Variants in PDE8A observed in about 807,000 individuals in gnomAD.
The protein encoded by PDE8A is high affinity cAMP-specific and IBMX-insensitive 3',5'-cyclic phosphodiesterase 8A.
In PDE8A, 59 loss-of-function variants were observed where a neutral mutation model predicts 105.0. The observed-to-expected ratio is 0.56, with a 90% CI of 0.46 to 0.70. The LOEUF is 0.70. Ranked by LOEUF, PDE8A falls within the 30% of genes least tolerant of loss-of-function variation. The pLI is 0.00. For synonymous variants in PDE8A, 355 were observed against 371.9 expected (o/e 0.95, Z 0.52); for missense variants, 1,014 against 1,045.9 (o/e 0.97, Z 0.42).
At chr15:85,026,764 C>CAAAACAA (rs371422279) in intron 1 of PDE8A, among the ~76,000 whole-genome samples, 3 of 151,556 alleles carry the variant, frequency 2.0e-5, no homozygotes, top group Non-Finnish European at 4.4e-5. Context: ...GGCCCTGTCT[C>CAAAACAA]AAAACAAAAA....
intron 1 of PDE8A, among the ~76,000 whole-genome samples, chr15:85,033,887 A>G (rs2080659208): frequency 6.6e-6 from 1 of 152,208 alleles, no homozygotes; most frequent in Non-Finnish European, 1.5e-5. Flanking sequence ...ACAAAAACAC[A>G]AAAATTCCCT....
intron 1 of PDE8A, among the ~76,000 whole-genome samples, chr15:84,997,037 G>A (rs77811661): frequency 0.011 from 1,698 of 151,892 alleles, 17 homozygotes; most frequent in Non-Finnish European, 0.02. Flanking sequence ...TTATTTCTTC[G>A]ATAATCTCAG....
At chr15:85,060,048 T>A (rs2081119351) in intron 1 of PDE8A, among the ~76,000 whole-genome samples, 1 of 152,214 alleles carries the variant, frequency 6.6e-6, no homozygotes, top group South Asian at 2.1e-4. Flanking sequence ...TGGACTTAAC[T>A]TCTGTCATTT....
rs2081565035 is a variant in PDE8A at position 85,087,034 on chromosome 15, G to GT, written c.636-2298dup. Reference sequence around the variant, plus strand: ...AGGTGTGAGCCACCATGCCCAGCATGTTTTTTGCTTTTTTTTTTTTTTTTA... The same window carrying GT: ...AGGTGTGAGCCACCATGCCCAGCATGTTTTTTTGCTTTTTTTTTTTTTTTTA... On this transcript the variant is annotated intron_variant, in intron 6 of 21. Coordinates refer to ENST00000394553, the MANE Select transcript of PDE8A (RefSeq NM_002605.3). Among the ~76,000 whole-genome samples the GT allele has an allele frequency of 2.6e-5, 3 of 116,080 alleles. No homozygotes were observed. The South Asian group carries it at 8.4e-4, about 32-fold the overall frequency. The allele number at this position is 116,080 out of a possible 152,430, so 76.2% of individuals were successfully genotyped here.
At chr15:85,123,337 TAC>T (rs58421452) in intron 19 of PDE8A, 144 bp downstream of exon 19, 15,645 of 328,962 alleles carry the variant, frequency 0.048, 437 homozygotes, top group African/African-American at 0.088. Flanking sequence ...ACTAATGGGA[TAC>T]ACACACACAC....
chr15:85,123,936 TC>T (rs542429050), intron 19 of PDE8A, among the ~76,000 whole-genome samples: 1 of 152,106 alleles, frequency 6.6e-6, no homozygotes, highest in African/African-American at 2.4e-5. Context: ...CTCACTAATA[TC>T]CCCCTCCCTT....
chr15:85,125,612 A>G (rs960139433), intron 19 of PDE8A, among the ~76,000 whole-genome samples: 2 of 152,148 alleles, frequency 1.3e-5, no homozygotes, highest in Admixed American at 6.5e-5. Flanking sequence ...AATAAATAAT[A>G]CTTTTCATGC....
At chr15:85,073,954 G>A (rs573824240) in intron 3 of PDE8A, among the ~76,000 whole-genome samples, 1 of 152,198 alleles carries the variant, frequency 6.6e-6, no homozygotes, top group Non-Finnish European at 1.5e-5. Flanking sequence ...CTGAGGTGGC[G>A]TGTCTGCAAG....
intron 3 of PDE8A, among the ~76,000 whole-genome samples, chr15:85,075,083 T>G (rs1374797169): frequency 6.6e-6 from 1 of 152,228 alleles, no homozygotes; most frequent in Non-Finnish European, 1.5e-5. Flanking sequence ...CTGTTGCATA[T>G]CTCCAGTGGA....
chr15:85,043,581 A>G (rs928168475), intron 1 of PDE8A, among the ~76,000 whole-genome samples: 1 of 152,206 alleles, frequency 6.6e-6, no homozygotes. Context: ...CATTTCGGGA[A>G]AACTTACATT....
At chr15:85,081,406 C>T (rs1376398208) in intron 5 of PDE8A, among the ~76,000 whole-genome samples, 1 of 152,076 alleles carries the variant, frequency 6.6e-6, no homozygotes, top group Non-Finnish European at 1.5e-5. Context: ...TTTCAAATTG[C>T]AGATAATTCT....
chr15:85,053,265 A>G (rs921583465), intron 1 of PDE8A, among the ~76,000 whole-genome samples: 51 of 152,096 alleles, frequency 3.4e-4, no homozygotes, highest in African/African-American at 1.2e-3. Context: ...GATGCCTCCA[A>G]CTTTGTTCTT....
Position 85,120,846 on chromosome 15 carries a change from T to C in PDE8A, c.1784T>C (p.Ile595Thr). ...DEVAALIAAT[I>T]HDVDHPGRTN... ...GTCGCTGCACTCATCGCAGCCACCA[T>C]TCATGATGTGGATCACCCTGGGAGA... The change falls in exon 18 of 22, where the codon ATT becomes ACT. Residue 595 changes from isoleucine (I) to threonine (T), a missense_variant. Ile to Thr is a moderately conservative substitution (Grantham distance 89, BLOSUM62 -1). Transcript: ENST00000394553. 1 of 1,614,146 alleles carries C rather than the reference T, an allele frequency of 6.2e-7. No homozygotes were observed. Among genetic ancestry groups the C allele is most frequent in the South Asian group, 1.1e-5 (1 of 91,084 alleles).
In PDE8A at chr15:85,091,034, C is replaced by T. The variant is rs1421452569; in HGVS notation, c.715-10C>T. 1.3e-6 allele frequency: 2 copies of T among 1,591,086 alleles called. No homozygotes were observed. The highest frequency in any genetic ancestry group is 1.4e-5 in the African/African-American group (1 of 73,430). On this transcript the variant is annotated splice_polypyrimidine_tract_variant and intron_variant, in intron 7 of 21. Transcript: ENST00000394553. ...ATTCACTTTATGTTTTTTCTTTTGT[C>T]TCCCTTCAGTATGCAAATCCTGCAT...
intron 6 of PDE8A, among the ~76,000 whole-genome samples, chr15:85,088,390 G>A (rs2081587953): frequency 6.6e-6 from 1 of 152,204 alleles, no homozygotes; most frequent in Non-Finnish European, 1.5e-5. Flanking sequence ...TGATCCTTGT[G>A]ACTGGCTTAC....
intron 1 of PDE8A, among the ~76,000 whole-genome samples, chr15:85,002,724 C>T (rs1008386846): frequency 6.6e-6 from 1 of 152,138 alleles, no homozygotes; most frequent in African/African-American, 2.4e-5. Context: ...TGGTTGCTTG[C>T]TGTGGTAACC....
At chr15:85,086,073 A>C (rs2081548086) in intron 6 of PDE8A, among the ~76,000 whole-genome samples, 1 of 152,110 alleles carries the variant, frequency 6.6e-6, no homozygotes, top group Non-Finnish European at 1.5e-5. Context: ...TTAAATCAAC[A>C]CGGGAAAAAG....
At chr15:85,005,872 A>C (rs1326858730) in intron 1 of PDE8A, among the ~76,000 whole-genome samples, 1 of 152,154 alleles carries the variant, frequency 6.6e-6, no homozygotes, top group African/African-American at 2.4e-5. Context: ...ACATGGCGAG[A>C]ACTGACCAAT....
chr15:85,093,686 C>T (rs1292571205), intron 8 of PDE8A, among the ~76,000 whole-genome samples: 1 of 152,190 alleles, frequency 6.6e-6, no homozygotes, highest in African/African-American at 2.4e-5. Flanking sequence ...GTAAAAATAA[C>T]AGGTATGTTG....
Sources: gnomAD v4.1 joint callset for allele counts (sites outside exome capture counted in the v4.1 genomes callset) on GRCh38, gnomAD v4.1.1 for gene constraint, MANE v1.5 for transcripts, NCBI Gene and HGNC (gene_info 2026-07-23, HGNC 2026-07-21) for gene names.